The following LOC400499 variants were observed in gnomAD, a reference collection of about 807,000 sequenced individuals.
chr16:11,474,485 C>T, the LOC400499 span, among the ~76,000 whole-genome samples: 1 of 152,130 alleles, frequency 6.6e-6, no homozygotes, highest in Non-Finnish European at 1.5e-5. Context: ...CATCTTTGTG[C>T]ACAGAGCATT....
chr16:11,393,164 C>CTT, the LOC400499 span, among the ~76,000 whole-genome samples: 7,314 of 115,020 alleles, frequency 0.064, 601 homozygotes, highest in African/African-American at 0.18. Flanking sequence ...ACCCCCCCCC[C>CTT]TTTTTTTTAA....
chr16:11,376,249 C>T, the LOC400499 span, among the ~76,000 whole-genome samples: 1 of 152,152 alleles, frequency 6.6e-6, no homozygotes, highest in Non-Finnish European at 1.5e-5. Context: ...GTCATATGCG[C>T]CATATCTAAG....
chr16:11,477,935 C>T, the LOC400499 span: 3 of 398,902 alleles, frequency 7.5e-6, no homozygotes, highest in East Asian at 3.6e-5. Context: ...GGCAGGAAGG[C>T]CAGACACGGT....
chr16:11,387,947 G>C, the LOC400499 span, among the ~76,000 whole-genome samples: 11 of 152,162 alleles, frequency 7.2e-5, no homozygotes, highest in African/African-American at 2.4e-4. Flanking sequence ...AATTTCTACA[G>C]TTTAGGGGAG....
chr16:11,402,631 T>A, the LOC400499 span, among the ~76,000 whole-genome samples: 6 of 152,098 alleles, frequency 3.9e-5, no homozygotes, highest in East Asian at 1.2e-3. Context: ...GCTCAGGATG[T>A]CCTAGCGCAG....
chr16:11,474,730 A>G, the LOC400499 span, among the ~76,000 whole-genome samples: 1 of 150,802 alleles, frequency 6.6e-6, no homozygotes, highest in African/African-American at 2.4e-5. Context: ...TTAGCTGGGC[A>G]GGGTGGTGAG....
At chr16:11,386,651 G>C in the LOC400499 span, among the ~76,000 whole-genome samples, 1 of 152,222 alleles carries the variant, frequency 6.6e-6, no homozygotes, top group Non-Finnish European at 1.5e-5. Flanking sequence ...GGAGCAAATA[G>C]AGTCCCACAG....
chr16:11,457,671 T>C, the LOC400499 span, among the ~76,000 whole-genome samples: 4 of 151,408 alleles, frequency 2.6e-5, no homozygotes, highest in African/African-American at 4.9e-5. Context: ...TACAAAAGAA[T>C]TGAAAGCAAT....
the LOC400499 span, among the ~76,000 whole-genome samples, chr16:11,496,345 G>A: frequency 6.6e-6 from 1 of 152,124 alleles, no homozygotes; most frequent in African/African-American, 2.4e-5. Context: ...GGGATTACAG[G>A]AGTGAGCCAC....
chr16:11,396,782 C>T, the LOC400499 span: 4 of 920,924 alleles, frequency 4.3e-6, no homozygotes, highest in Non-Finnish European at 1.4e-6. Flanking sequence ...TCCCAGCCTC[C>T]ACACCTGTCG....
At chr16:11,428,489 T>C in the LOC400499 span, among the ~76,000 whole-genome samples, 4 of 152,126 alleles carry the variant, frequency 2.6e-5, no homozygotes, top group South Asian at 4.1e-4. Flanking sequence ...CTCCCCTTTT[T>C]AGACCATATG....
At chr16:11,498,519 A>AAATAAATT in the LOC400499 span, among the ~76,000 whole-genome samples, 1 of 151,914 alleles carries the variant, frequency 6.6e-6, no homozygotes, top group Admixed American at 6.6e-5. Flanking sequence ...ATAAATAAAT[A>AAATAAATT]AAATTAATCC....
At chr16:11,400,185 C>T in the LOC400499 span, among the ~76,000 whole-genome samples, 1 of 152,174 alleles carries the variant, frequency 6.6e-6, no homozygotes, top group African/African-American at 2.4e-5. Flanking sequence ...GACCTCATCT[C>T]CCTGTCACCC....
At chr16:11,508,993 G>C in the LOC400499 span, 1 of 397,010 alleles carries the variant, frequency 2.5e-6, no homozygotes, top group Middle Eastern at 6.3e-4. Context: ...GGGTGTCTAC[G>C]AGGGAAATCA....
chr16:11,396,342 G>C, the LOC400499 span: 6 of 628,796 alleles, frequency 9.5e-6, no homozygotes, highest in Non-Finnish European at 1.4e-5. Context: ...GCGTTCCCCC[G>C]ACCCAGAATG....
chr16:11,512,923 G>A, the LOC400499 span, among the ~76,000 whole-genome samples: 8 of 152,214 alleles, frequency 5.3e-5, no homozygotes, highest in Non-Finnish European at 1.0e-4. Context: ...AAATCCCAAG[G>A]TCCCATCTAG....
the LOC400499 span, among the ~76,000 whole-genome samples, chr16:11,519,485 C>T: frequency 6.6e-6 from 1 of 152,008 alleles, no homozygotes; most frequent in African/African-American, 2.4e-5. Context: ...ACCTGTAATC[C>T]CAGCACTTTG....
chr16:11,480,578 A>G, the LOC400499 span, among the ~76,000 whole-genome samples: 1 of 152,236 alleles, frequency 6.6e-6, no homozygotes, highest in East Asian at 1.9e-4. Context: ...ATATTAAAAT[A>G]CCTGCGAATG....
At chr16:11,518,595 G>T in the LOC400499 span, among the ~76,000 whole-genome samples, 2 of 152,202 alleles carry the variant, frequency 1.3e-5, no homozygotes, top group South Asian at 4.1e-4. Flanking sequence ...GCAGAACTAC[G>T]GGATGAGTTC....
Sources: allele counts gnomAD v4.1 joint callset (sites outside exome capture counted in the v4.1 genomes callset), GRCh38; gene constraint gnomAD v4.1.1; transcripts MANE v1.5.